COX7A2L: variants seen among roughly 807,000 people sequenced by gnomAD.
The protein encoded by COX7A2L is cytochrome c oxidase subunit 7A2 like, also known as cytochrome c oxidase subunit 7A2-like, mitochondrial.
COX7A2L carries 18 observed loss-of-function variants against 14.2 expected under a neutral mutation model. That is an observed-to-expected ratio of 1.27 (90% CI 0.88 to 1.88). COX7A2L has a LOEUF of 1.88. COX7A2L is among the 40% of genes most tolerant of loss of function. The probability of loss-of-function intolerance (pLI) is 0.00; values close to 1 mark genes in which losing one functional copy is unlikely to be tolerated. For missense variants in COX7A2L, 179 were observed against 138.8 expected (o/e 1.29, Z -1.46); for synonymous variants, 65 against 57.4 (o/e 1.13, Z -0.60).
At chr2:42,360,894 C>T (rs573170814) in intron 1 of COX7A2L, 196 bp downstream of exon 1, 12 of 632,986 alleles carry the variant, frequency 1.9e-5, no homozygotes, top group African/African-American at 1.7e-4. Flanking sequence ...CAGCCCCCGC[C>T]AGGTGAGCAG....
upstream of COX7A2L, among the ~76,000 whole-genome samples, chr2:42,366,189 G>A (rs1020373883): frequency 5.3e-5 from 8 of 152,274 alleles, no homozygotes; most frequent in South Asian, 1.2e-3. Flanking sequence ...CAGCACTTTC[G>A]GAGGCCAAGA....
At chr2:42,365,600 C>T (rs1359726891), upstream of COX7A2L, 2 of 151,800 alleles carry the variant, frequency 1.3e-5, no homozygotes, top group African/African-American at 4.8e-5. Flanking sequence ...GCACTCCAGC[C>T]TGGGCGACAA....
chr2:42,356,206 T>C (rs2103900565), intron 1 of COX7A2L, among the ~76,000 whole-genome samples: 1 of 152,272 alleles, frequency 6.6e-6, no homozygotes, highest in African/African-American at 2.4e-5. Context: ...CTTCAGGTCT[T>C]TACCCAACCC....
downstream of COX7A2L, among the ~76,000 whole-genome samples, chr2:42,347,364 CCCTCA>C (rs1336465468): frequency 1.3e-5 from 2 of 150,838 alleles, no homozygotes; most frequent in Non-Finnish European, 2.9e-5. Flanking sequence ...ATGCACATCC[CCCTCA>C]CCTCCTAAAT....
intron 2 of COX7A2L, 55 bp downstream of exon 2, chr2:42,353,157 T>A: frequency 6.3e-7 from 1 of 1,583,318 alleles, no homozygotes; most frequent in Non-Finnish European, 8.6e-7. Flanking sequence ...TCATAAGGGA[T>A]TTTTTAAGCC....
chr2:42,360,182 T>C (rs909990675), intron 1 of COX7A2L: 4 of 152,318 alleles, frequency 2.6e-5, no homozygotes, highest in African/African-American at 7.2e-5. Flanking sequence ...CACACTTCTC[T>C]AGAGGATTAG....
Position 42,338,766 on chromosome 2 carries a change from T to C in COX7A2L, c.193-4897A>G, listed in dbSNP as rs1384716113. Among the ~76,000 whole-genome samples the C allele has an allele frequency of 6.6e-6, 1 of 152,234 alleles. No individual in the cohort carries two copies. The highest frequency in any genetic ancestry group is 2.4e-5 in the African/African-American group (1 of 41,456). On this transcript the variant is annotated intron_variant, in intron 2 of 2. Transcript: ENST00000468711. This position sits in a 1 kb window ranked among gnomAD's most constrained non-coding sequence, Gnocchi z 4.4. ...AACAGTTTTCACTCACAGGGAGAAT[T>C]ACTGCTTCCCATGAAAGCATTTTCC...
At chr2:42,344,245 G>C (rs62142634) in intron 2 of COX7A2L, among the ~76,000 whole-genome samples, 2,426 of 152,282 alleles carry the variant, frequency 0.016, 26 homozygotes, top group Non-Finnish European at 0.026. Context: ...CTCCACTGCA[G>C]TTGGACACCC....
chr2:42,354,816 G>A (rs961687198), intron 1 of COX7A2L, among the ~76,000 whole-genome samples: 2 of 152,182 alleles, frequency 1.3e-5, no homozygotes, highest in African/African-American at 4.8e-5. Flanking sequence ...CACAGTCTCA[G>A]CCACCATGGA....
At chr2:42,364,416 T>A (rs193249685), upstream of COX7A2L, among the ~76,000 whole-genome samples, 1 of 152,296 alleles carries the variant, frequency 6.6e-6, no homozygotes, top group Admixed American at 6.5e-5. Flanking sequence ...AATGTTATAG[T>A]GAAGTGTTAC....
intron 2 of COX7A2L, among the ~76,000 whole-genome samples, chr2:42,337,481 AAAGGGGTGGCAC>A (rs1429157768): frequency 2.0e-5 from 3 of 152,060 alleles, no homozygotes; most frequent in African/African-American, 7.2e-5. Flanking sequence ...AGGCAACTAC[AAAGGGGTGGCAC>A]AAGGGGATTC....
chr2:42,365,627 C>T (rs772936655), upstream of COX7A2L: 1 of 149,996 alleles, frequency 6.7e-6, no homozygotes, highest in Non-Finnish European at 1.5e-5. Flanking sequence ...AACTCCGTCC[C>T]GAAGAAAAAA....
At chr2:42,336,334 T>A (rs1246516805) in intron 2 of COX7A2L, among the ~76,000 whole-genome samples, 1 of 152,214 alleles carries the variant, frequency 6.6e-6, no homozygotes, top group African/African-American at 2.4e-5. Context: ...GGACCACTGC[T>A]GATGATTACT....
At chr2:42,352,314 C>T (rs376503247) in intron 2 of COX7A2L, among the ~76,000 whole-genome samples, 2 of 152,178 alleles carry the variant, frequency 1.3e-5, no homozygotes, top group East Asian at 1.9e-4. Flanking sequence ...GGGTTACAGA[C>T]GCGTGCCTAT....
upstream of COX7A2L, among the ~76,000 whole-genome samples, chr2:42,364,130 A>G (rs1469247743): frequency 6.6e-6 from 1 of 152,030 alleles, no homozygotes; most frequent in East Asian, 1.9e-4. Context: ...GGGCGCCTGT[A>G]GTCCCAGCTA....
downstream of COX7A2L, among the ~76,000 whole-genome samples, chr2:42,348,195 T>C (rs1558629294): frequency 6.6e-6 from 1 of 152,170 alleles, no homozygotes; most frequent in Non-Finnish European, 1.5e-5. Context: ...ATATCAAAAA[T>C]GTAGAAGGAA....
chr2:42,337,352 G>A (rs909434923), intron 2 of COX7A2L, among the ~76,000 whole-genome samples: 3 of 152,174 alleles, frequency 2.0e-5, no homozygotes, highest in Non-Finnish European at 2.9e-5. Context: ...ACAGTGAAAA[G>A]CAGCCCATCT....
upstream of COX7A2L, chr2:42,361,332 C>A (rs1177928531): frequency 5.0e-5 from 30 of 605,502 alleles, no homozygotes; most frequent in Non-Finnish European, 8.0e-5. Context: ...CATTGGGGAA[C>A]CAAAAGCCAG....
At chr2:42,367,085 C>T (rs190583858) in intron 1 of COX7A2L, among the ~76,000 whole-genome samples, 219 of 152,276 alleles carry the variant, frequency 1.4e-3, no homozygotes, top group African/African-American at 5.1e-3. Flanking sequence ...TACTTGCTTC[C>T]CCTTTCTCCT....
Sources: allele counts gnomAD v4.1 joint callset (sites outside exome capture counted in the v4.1 genomes callset), GRCh38; gene constraint gnomAD v4.1.1; non-coding constraint Gnocchi (gnomAD v3.1); transcripts MANE v1.5; gene names NCBI Gene and HGNC (gene_info 2026-07-23, HGNC 2026-07-21).